Variants in LRRC9 observed in about 807,000 individuals in gnomAD.
The protein encoded by LRRC9 is leucine rich repeat containing 9, also known as leucine-rich repeat-containing protein 9.
A neutral mutation model predicts 63.2 loss-of-function variants in LRRC9; 122 were observed. The observed-to-expected ratio is 1.93, with a 90% confidence interval of 1.67 to 2.24. LRRC9 has a LOEUF of 2.24. LRRC9 is among the 30% of genes most tolerant of loss of function. The pLI is 0.00. For synonymous variants in LRRC9, 366 were observed against 213.1 expected (o/e 1.72, Z -6.25); for missense variants, 1,071 against 627.7 (o/e 1.71, Z -7.55).
At chr14:59,997,513 C>T (rs763008657) in intron 17 of LRRC9, 143 bp from the exon 18 acceptor site, 2 of 487,670 alleles carry the variant, frequency 4.1e-6, no homozygotes, top group Non-Finnish European at 7.2e-6. Context: ...ATGTTGATAC[C>T]ATCATTGCAA....
At chr14:59,995,444 C>G (rs1888660586) in intron 17 of LRRC9, among the ~76,000 whole-genome samples, 1 of 152,074 alleles carries the variant, frequency 6.6e-6, no homozygotes, top group South Asian at 2.1e-4. Flanking sequence ...TTAAGTTGTT[C>G]CTGATGTCTA....
chr14:59,949,234 T>C (rs1882821012), intron 8 of LRRC9, among the ~76,000 whole-genome samples: 1 of 152,080 alleles, frequency 6.6e-6, no homozygotes, highest in South Asian at 2.1e-4. Context: ...TGGTTTAGTC[T>C]TGAGAGAGTG....
At chr14:59,952,202 G>C (rs528486086) in intron 8 of LRRC9, among the ~76,000 whole-genome samples, 375 of 151,954 alleles carry the variant, frequency 2.5e-3, no homozygotes, top group Non-Finnish European at 4.3e-3. Flanking sequence ...TAGTCTCGTG[G>C]TGCGCCGTTT....
chr14:60,011,671 G>A (rs747298556), intron 23 of LRRC9, among the ~76,000 whole-genome samples: 9 of 152,180 alleles, frequency 5.9e-5, no homozygotes, highest in Admixed American at 1.3e-4. Flanking sequence ...AATTGGACAT[G>A]AAGACTAGAC....
rs1473825144 is a variant in LRRC9, at chr14:60,053,198, A to G, written c.4124A>G (p.Lys1375Arg). The G allele has an allele frequency of 1.4e-6, 1 of 698,678 alleles. No homozygotes were observed. The highest frequency in any genetic ancestry group is 2.0e-5 in the Admixed American group (1 of 49,462). The allele number at this position is 698,678 out of a possible 1,614,324, so 43.3% of individuals were successfully genotyped here. A position where few individuals can be genotyped will look rare whatever the true frequency, so the allele number is the denominator to read the frequency against. Reference sequence around the variant, plus strand: ...CACCTCGCTGAACTACAAGCAAAGAAAAACTCGGTAATAATTATATTATTT... The same window carrying G: ...CACCTCGCTGAACTACAAGCAAAGAGAAACTCGGTAATAATTATATTATTT... Residue 1375 changes from lysine (K) to arginine (R), a missense_variant, in exon 30 of 32, where the codon AAA becomes AGA. Coordinates refer to ENST00000445360, the Ensembl canonical transcript of LRRC9. This position sits in a 1 kb window ranked among gnomAD's most constrained non-coding sequence, Gnocchi z 4.8.
chr14:60,038,153 G>A (rs1298382768), intron 29 of LRRC9, among the ~76,000 whole-genome samples: 1 of 152,138 alleles, frequency 6.6e-6, no homozygotes, highest in Non-Finnish European at 1.5e-5. Flanking sequence ...GTACTATGCT[G>A]TTTTGGTTAC....
intron 17 of LRRC9, among the ~76,000 whole-genome samples, chr14:59,994,252 A>T (rs1888491287): frequency 1.3e-5 from 2 of 152,234 alleles, no homozygotes; most frequent in Non-Finnish European, 2.9e-5. Context: ...CAAAAGACAC[A>T]GGAAAAAATG....
intron 6 of LRRC9, among the ~76,000 whole-genome samples, chr14:59,937,495 C>T (rs1881163704): frequency 6.6e-6 from 1 of 152,014 alleles, no homozygotes; most frequent in Non-Finnish European, 1.5e-5. Flanking sequence ...GGGAATATGA[C>T]ACTGGGTTGG....
At chr14:59,941,887 A>G (rs1200265928) in intron 7 of LRRC9, among the ~76,000 whole-genome samples, 1 of 152,152 alleles carries the variant, frequency 6.6e-6, no homozygotes, top group East Asian at 1.9e-4. Context: ...GTGCTACAGA[A>G]CACCAGAATT....
rs1893853797 is a variant in LRRC9 at position 60,051,109 on chromosome 14, T to C, written c.3991-1956T>C. 6.6e-6 allele frequency among the ~76,000 whole-genome samples: 1 copy of C among 152,198 alleles called. No individual in the cohort carries two copies. The highest frequency in any genetic ancestry group is 6.5e-5 in the Admixed American group (1 of 15,282). On this transcript the variant is annotated intron_variant, in intron 29 of 31. Transcript: ENST00000445360. This position sits in a 1 kb window ranked among gnomAD's most constrained non-coding sequence, Gnocchi z 4.7. Reference sequence around the variant, plus strand: ...GTCTGGCTGCTTTTGGTAGAGCCAGTGTGCTCCATTGGTGAGGGACTCTTC... The same window carrying C: ...GTCTGGCTGCTTTTGGTAGAGCCAGCGTGCTCCATTGGTGAGGGACTCTTC...
chr14:59,931,223 A>G (rs1889677611), intron 4 of LRRC9, among the ~76,000 whole-genome samples, 165 bp downstream of exon 4: 1 of 152,122 alleles, frequency 6.6e-6, no homozygotes, highest in Admixed American at 6.6e-5. Flanking sequence ...TATAAGGTAC[A>G]GAGGGCATTG....
At position 60,042,776 on chromosome 14, in the gene LRRC9, G is replaced by C. The variant is rs1456213900; in HGVS notation, c.3991-10289G>C. Among the ~76,000 whole-genome samples, 1 of 152,122 alleles carries C rather than the reference G, an allele frequency of 6.6e-6. No individual in the cohort carries two copies. The highest frequency in any genetic ancestry group is 2.1e-4 in the South Asian group (1 of 4,830). The stretch of plus-strand genomic sequence containing the variant: ...ATTGTCCGACAAGCCCCAGTGAGAT[G>C]AACACAGTACCTCAGTTGGAAATGC... On this transcript the variant is annotated intron_variant, in intron 29 of 31. Coordinates refer to ENST00000445360, the Ensembl canonical transcript of LRRC9. The surrounding 1 kb of genome is among the most constrained non-coding windows in gnomAD (Gnocchi z 4.2).
At chr14:60,006,763 T>G (rs1889841475) in intron 22 of LRRC9, 146 bp downstream of exon 22, 1 of 531,662 alleles carries the variant, frequency 1.9e-6, no homozygotes, top group South Asian at 2.7e-5. Flanking sequence ...TGTATTTGCA[T>G]TCAATGTTGT....
Position 60,053,754 on chromosome 14 carries a change from T to G in LRRC9, c.4131+549T>G. ...TATCTGATCATGGTAGGAAAGAGAT[T>G]AAAAAGGGAAGAAATAATAAAAGCA... On this transcript the variant is annotated intron_variant, in intron 30 of 31. Transcript: ENST00000445360. The surrounding 1 kb of genome is among the most constrained non-coding windows in gnomAD (Gnocchi z 4.8). 2.8e-6 allele frequency: 1 copy of G among 358,026 alleles called. No individual in the cohort carries two copies. The highest frequency in any genetic ancestry group is 5.4e-6 in the Non-Finnish European group (1 of 186,200). The allele number at this position is 358,026 out of a possible 1,614,324, so 22.2% of individuals were successfully genotyped here.
intron 17 of LRRC9, among the ~76,000 whole-genome samples, chr14:59,992,240 C>A (rs1220152265): frequency 2.6e-5 from 4 of 152,204 alleles, no homozygotes; most frequent in Non-Finnish European, 1.5e-5. Flanking sequence ...AACAGACCTG[C>A]AGCTGAGGGT....
exon 24 of LRRC9, chr14:60,016,724 C>A (rs911761107): frequency 4.3e-6 from 3 of 701,066 alleles, no homozygotes; most frequent in Non-Finnish European, 5.2e-6. Context: ...GACATGATTG[C>A]AGAACGACAA....
At chr14:59,999,289 C>A in intron 19 of LRRC9, 63 bp downstream of exon 19, 2 of 608,748 alleles carry the variant, frequency 3.3e-6, no homozygotes, top group Admixed American at 2.7e-5. Flanking sequence ...ATTTTGCATA[C>A]TCTTTTTCTG....
In LRRC9 at chr14:60,003,683, AAATTT is replaced by A. The variant is rs1210051933; in HGVS notation, c.2728_2732del (p.Asn910GlufsTer8). The A allele has an allele frequency of 5.8e-6, 4 of 694,570 alleles. No homozygotes were observed. In the East Asian group the frequency reaches 1.1e-4, roughly 19 times the overall value. The allele number at this position is 694,570 out of a possible 1,614,324, so 43.0% of individuals were successfully genotyped here. ...AAATCACAAATTTAGAAAAATTGGA[AAATTT>A]GAAATGGGCATCATTCAGCAATAAT... On this transcript the variant is annotated frameshift_variant, in exon 21 of 32. Transcript: ENST00000445360. LOFTEE classifies it high-confidence loss of function. The surrounding 1 kb of genome is among the most constrained non-coding windows in gnomAD (Gnocchi z 4.2).
At chr14:60,035,335 C>T (rs899326968) in intron 29 of LRRC9, among the ~76,000 whole-genome samples, 10 of 152,076 alleles carry the variant, frequency 6.6e-5, no homozygotes, top group South Asian at 2.1e-4. Context: ...CTTTGCTGTA[C>T]GGAAGCTTTT....
Sources: gnomAD v4.1 joint callset for allele counts (sites outside exome capture counted in the v4.1 genomes callset) on GRCh38, gnomAD v4.1.1 for gene constraint, Gnocchi (gnomAD v3.1) non-coding constraint, MANE v1.5 for transcripts, NCBI Gene and HGNC (gene_info 2026-07-23, HGNC 2026-07-21) for gene names.